HS3ST4: variants seen among roughly 807,000 people sequenced by gnomAD.
The protein encoded by HS3ST4 is heparan sulfate glucosamine 3-O-sulfotransferase 4.
A neutral mutation model predicts 29.2 loss-of-function variants in HS3ST4; 17 were observed. The ratio of observed to expected loss-of-function variants is 0.58; its 90% CI spans 0.40 to 0.87. HS3ST4 has a LOEUF of 0.87. Among genes scored for constraint, HS3ST4 ranks in the 40% least tolerant of loss-of-function variants. The pLI is 0.00. For synonymous variants in HS3ST4, 314 were observed against 285.7 expected (o/e 1.10, Z -1.00); for missense variants, 627 against 634.5 (o/e 0.99, Z 0.13).
chr16:25,822,986 C>T (rs976650263), intron 1 of HS3ST4, among the ~76,000 whole-genome samples: 3 of 152,122 alleles, frequency 2.0e-5, no homozygotes, highest in African/African-American at 7.2e-5. Context: ...GATCTGCCCT[C>T]CTTTGCCTCC....
chr16:26,059,331 CT>C (rs1382077621), intron 1 of HS3ST4, among the ~76,000 whole-genome samples: 1 of 151,934 alleles, frequency 6.6e-6, no homozygotes, highest in East Asian at 1.9e-4. Context: ...GCCTCTCTCT[CT>C]TTTTTTTGAA....
chr16:25,791,085 G>A (rs775448518), intron 1 of HS3ST4, among the ~76,000 whole-genome samples: 10 of 151,754 alleles, frequency 6.6e-5, no homozygotes, highest in African/African-American at 1.5e-4. Context: ...AAGTGGAGGC[G>A]AAGCATCTTT....
intron 1 of HS3ST4, among the ~76,000 whole-genome samples, chr16:25,926,023 G>C (rs1018544239): frequency 6.6e-6 from 1 of 151,470 alleles, no homozygotes; most frequent in East Asian, 1.9e-4. Flanking sequence ...CATCCTGAAG[G>C]GTTGGTTGAA....
At chr16:25,907,504 A>C (rs557100585) in intron 1 of HS3ST4, among the ~76,000 whole-genome samples, 3 of 152,308 alleles carry the variant, frequency 2.0e-5, no homozygotes, top group Admixed American at 6.5e-5. Context: ...GATATAATCA[A>C]ATGCAGGGAG....
intron 1 of HS3ST4, among the ~76,000 whole-genome samples, chr16:25,974,497 G>A (rs1968925595): frequency 6.6e-6 from 1 of 152,112 alleles, no homozygotes; most frequent in Admixed American, 6.6e-5. Flanking sequence ...CTGGATTTGA[G>A]GATGGTAAAC....
chr16:25,700,504 T>A (rs1455516257), intron 1 of HS3ST4, among the ~76,000 whole-genome samples: 2 of 152,230 alleles, frequency 1.3e-5, no homozygotes, highest in African/African-American at 4.8e-5. Flanking sequence ...ATGATTTATT[T>A]ATTTTTATTT....
At chr16:25,722,985 C>T (rs766041063) in intron 1 of HS3ST4, among the ~76,000 whole-genome samples, 2 of 152,156 alleles carry the variant, frequency 1.3e-5, no homozygotes, top group Admixed American at 1.3e-4. Flanking sequence ...GGGAAAGTCA[C>T]GTCTTACATG....
chr16:25,846,016 TAAAC>T (rs984018451), intron 1 of HS3ST4, among the ~76,000 whole-genome samples: 2 of 152,188 alleles, frequency 1.3e-5, no homozygotes, highest in Non-Finnish European at 2.9e-5. Context: ...AACAGTGACT[TAAAC>T]AAATAAGGAT....
At chr16:26,015,091 T>C (rs974259768) in intron 1 of HS3ST4, among the ~76,000 whole-genome samples, 2 of 152,308 alleles carry the variant, frequency 1.3e-5, no homozygotes, top group African/African-American at 4.8e-5. Flanking sequence ...TTAGCCAAGC[T>C]AGAGGTTAAG....
At chr16:25,864,674 C>T (rs1398811862) in intron 1 of HS3ST4, among the ~76,000 whole-genome samples, 4 of 151,960 alleles carry the variant, frequency 2.6e-5, no homozygotes, top group Admixed American at 6.6e-5. Flanking sequence ...ACATAGTTCA[C>T]GTAATATTTT....
chr16:25,741,483 G>T lies in HS3ST4; in HGVS notation c.734+48332G>T, dbSNP rs117368733. ...GAGGGTCCTGCTTCTTGTTGAACTT[G>T]GTTGAACTTCAGATTCAATTCATTT... On this transcript the variant is annotated intron_variant, in intron 1 of 1. Coordinates refer to ENST00000331351, the MANE Select transcript of HS3ST4 (RefSeq NM_006040.3). 7.0e-4 allele frequency among the ~76,000 whole-genome samples: 106 copies of T among 151,452 alleles called. 3 individuals are homozygous for T. The East Asian group carries it at 0.02, about 28-fold the overall frequency.
chr16:25,995,147 C>G (rs531509402), intron 1 of HS3ST4, among the ~76,000 whole-genome samples: 3 of 152,158 alleles, frequency 2.0e-5, no homozygotes. Context: ...GATAAATGGT[C>G]GTTTTCCAGA....
intron 1 of HS3ST4, among the ~76,000 whole-genome samples, chr16:26,096,561 A>G (rs1014268433): frequency 1.3e-5 from 2 of 152,150 alleles, no homozygotes; most frequent in African/African-American, 4.8e-5. Context: ...TATGCTAAAA[A>G]CTCTCAATAA....
intron 1 of HS3ST4, among the ~76,000 whole-genome samples, chr16:25,791,509 G>A (rs1029830557): frequency 1.3e-5 from 2 of 152,114 alleles, no homozygotes; most frequent in East Asian, 1.9e-4. Flanking sequence ...GGGACAATTG[G>A]CATATTTACT....
rs138716741 is a variant in HS3ST4, at chr16:25,896,912, A to G, written c.734+203761A>G. Among the ~76,000 whole-genome samples, 88 of 152,282 alleles carry G rather than the reference A, an allele frequency of 5.8e-4. No homozygotes were observed. The Middle Eastern group carries it at 0.014, about 24-fold the overall frequency. Reference sequence around the variant, plus strand: ...TTAACACAGAAACAGAAAAGCAAATACCACATGTTCTCACTTATCAGTGGG... The same window carrying G: ...TTAACACAGAAACAGAAAAGCAAATGCCACATGTTCTCACTTATCAGTGGG... On this transcript the variant is annotated intron_variant, in intron 1 of 1. Transcript: ENST00000331351.
chr16:25,784,629 A>G (rs368017663), intron 1 of HS3ST4, among the ~76,000 whole-genome samples: 4 of 152,350 alleles, frequency 2.6e-5, no homozygotes, highest in South Asian at 2.1e-4. Context: ...CTTCAGTTCT[A>G]TGAAGGCTAA....
chr16:25,864,005 G>A (rs1967664916), intron 1 of HS3ST4, among the ~76,000 whole-genome samples: 1 of 142,362 alleles, frequency 7.0e-6, no homozygotes, highest in East Asian at 2.1e-4. Context: ...CCACCTTCCT[G>A]CTGCCTGCCG....
chr16:26,031,724 C>A (rs1969533016), intron 1 of HS3ST4, among the ~76,000 whole-genome samples: 1 of 150,434 alleles, frequency 6.6e-6, no homozygotes, highest in South Asian at 2.1e-4. Flanking sequence ...TTTTTCCAAG[C>A]CAAACTGTAT....
rs547031156 is a variant in HS3ST4, at chr16:25,918,039, G to A, written c.735-217573G>A. 1.5e-4 allele frequency among the ~76,000 whole-genome samples: 23 copies of A among 152,230 alleles called. No homozygotes were observed. In the South Asian group the frequency reaches 4.4e-3, roughly 29 times the overall value. ...TTGAGATAGGGTGGGGGGGAGCATCGTCTGTGGGCCAGGGAGCCAACATCA... is the reference window on the plus strand; with the variant it reads ...TTGAGATAGGGTGGGGGGGAGCATCATCTGTGGGCCAGGGAGCCAACATCA... On this transcript the variant is annotated intron_variant, in intron 1 of 1. Coordinates refer to ENST00000331351, the MANE Select transcript of HS3ST4 (RefSeq NM_006040.3).
Sources: gnomAD v4.1 joint callset for allele counts (sites outside exome capture counted in the v4.1 genomes callset) on GRCh38, gnomAD v4.1.1 for gene constraint, MANE v1.5 for transcripts, NCBI Gene and HGNC (gene_info 2026-07-23, HGNC 2026-07-21) for gene names.